The following KALRN variants were observed in gnomAD, a reference collection of about 807,000 sequenced individuals.
KALRN encodes the protein kalirin.
Under a neutral mutation model 353.7 loss-of-function variants are expected in KALRN, and 70 were observed. The ratio of observed to expected loss-of-function variants is 0.20; its 90% CI spans 0.16 to 0.24. The LOEUF is 0.24. KALRN is among the 10% of genes least tolerant of loss of function. KALRN has a pLI of 1.00. For missense variants in KALRN, 2,791 were observed against 3,756.7 expected, an observed-to-expected ratio of 0.74 and a Z score of 6.72; for synonymous variants, 1,391 against 1,434.8, an observed-to-expected ratio of 0.97 and a Z score of 0.69.
chr3:124,718,899 C>G (rs2063291948), intron 59 of KALRN, 26 bp from the exon 60 acceptor site: 1 of 1,606,500 alleles, frequency 6.2e-7, no homozygotes, highest in Non-Finnish European at 8.5e-7. Context: ...CCCTTCTTTT[C>G]TCCCTGCTTC....
rs1033194137 is a variant in KALRN, at chr3:124,680,860, A to C, written c.7377+1343A>C. On this transcript the variant is annotated intron_variant, in intron 51 of 59. Transcript: ENST00000682506. ...GGGAGAAAGTGGAGGTGGCATTTGT[A>C]GCCTAAATGTATCTTAGAGAACAAG... 1.8e-4 allele frequency among the ~76,000 whole-genome samples: 27 copies of C among 152,230 alleles called. 1 individual carries two copies. The highest frequency in any genetic ancestry group is 4.4e-5 in the Non-Finnish European group (3 of 68,034).
intron 33 of KALRN, among the ~76,000 whole-genome samples, chr3:124,550,452 T>C (rs114924404): frequency 1.1e-4 from 17 of 152,296 alleles, no homozygotes; most frequent in African/African-American, 4.1e-4. Flanking sequence ...AAACATGTAT[T>C]GGGCCCCCAA....
intron 1 of KALRN, chr3:124,082,376 G>A (rs758533264): frequency 3.2e-5 from 15 of 464,428 alleles, no homozygotes; most frequent in Non-Finnish European, 6.2e-5. Context: ...CAATGGGCCT[G>A]AGCTATGGAA....
intron 3 of KALRN, among the ~76,000 whole-genome samples, chr3:124,242,363 G>C (rs4234218): frequency 0.34 from 51,484 of 152,170 alleles, 9,208 homozygotes; most frequent in East Asian, 0.46. Context: ...GAGACGTAGA[G>C]AGATGAAGTA....
intron 13 of KALRN, among the ~76,000 whole-genome samples, chr3:124,401,605 G>C (rs560196797): frequency 3.9e-5 from 6 of 152,310 alleles, no homozygotes; most frequent in African/African-American, 1.4e-4. Context: ...TGGACAACCT[G>C]GTATGCAGGA....
At chr3:124,710,301 T>C (rs2150765858) in intron 57 of KALRN, among the ~76,000 whole-genome samples, 1 of 152,218 alleles carries the variant, frequency 6.6e-6, no homozygotes, top group South Asian at 2.1e-4. Context: ...GGGAAGACAG[T>C]GGTTGGGGAT....
chr3:124,383,209 T>C (rs2087678661), intron 10 of KALRN, among the ~76,000 whole-genome samples: 1 of 152,148 alleles, frequency 6.6e-6, no homozygotes, highest in Non-Finnish European at 1.5e-5. Flanking sequence ...CCAAGACAAG[T>C]GTTTGCCTGC....
chr3:124,389,900 T>C (rs1369470780), intron 11 of KALRN, among the ~76,000 whole-genome samples: 1 of 152,190 alleles, frequency 6.6e-6, no homozygotes, highest in African/African-American at 2.4e-5. Context: ...AACAATCCAA[T>C]AAATGTTATT....
intron 34 of KALRN, among the ~76,000 whole-genome samples, chr3:124,600,868 C>T (rs2149448761): frequency 6.6e-6 from 1 of 152,298 alleles, no homozygotes; most frequent in South Asian, 2.1e-4. Flanking sequence ...GATTACAAAG[C>T]TTCTGAAGCT....
At chr3:124,078,402 G>A (rs542075623) in intron 1 of KALRN, among the ~76,000 whole-genome samples, 2 of 152,278 alleles carry the variant, frequency 1.3e-5, no homozygotes, top group African/African-American at 4.8e-5. Context: ...TAGCCTCATG[G>A]ATATTTATTG....
chr3:124,696,254 A>G lies in KALRN; in HGVS notation c.7698A>G (p.Gln2566=). ...TTSTSATVKV[Q]GVPAAPNRPI... ...CAACGTCTGCAACAGTCAAAGTGCA[A>G]GGTACAGCCTCTTTGTTAGTCAAAC... The change falls in exon 54 of 60, where the codon CAA becomes CAG. Residue 2566 remains glutamine, a splice_region_variant and synonymous_variant. Coordinates refer to ENST00000682506, the MANE Select transcript of KALRN (RefSeq NM_001388419.1). 1.2e-6 allele frequency: 2 copies of G among 1,613,712 alleles called. No individual in the cohort carries two copies. Among genetic ancestry groups the G allele is most frequent in the Non-Finnish European group, 1.7e-6 (2 of 1,179,654 alleles).
intron 3 of KALRN, among the ~76,000 whole-genome samples, chr3:124,259,062 T>C (rs2072469853): frequency 6.6e-6 from 1 of 152,204 alleles, no homozygotes; most frequent in Admixed American, 6.5e-5. Flanking sequence ...GAAAAACTTG[T>C]AAGAGACTGA....
At chr3:124,303,107 A>T (rs1431036005) in intron 6 of KALRN, among the ~76,000 whole-genome samples, 3 of 152,214 alleles carry the variant, frequency 2.0e-5, no homozygotes, top group African/African-American at 7.2e-5. Context: ...TCTAAATTTT[A>T]TCTATGAATT....
chr3:124,347,270 G>T lies in KALRN; in HGVS notation c.1770+5G>T, dbSNP rs1302692238. The T allele has an allele frequency of 6.3e-7, 1 of 1,585,674 alleles. No homozygotes were observed. The highest frequency in any genetic ancestry group is 1.7e-5 in the Admixed American group (1 of 58,386). ...GACTTTGAAGAGGTGGCTCAGGTGA[G>T]AAGCTGTGTGTGTGTGTGTGTGTGT... On this transcript the variant is annotated splice_donor_5th_base_variant and intron_variant, in intron 10 of 59. Transcript: ENST00000682506.
intron 33 of KALRN, among the ~76,000 whole-genome samples, chr3:124,534,131 C>T (rs2068307349): frequency 6.6e-6 from 1 of 152,284 alleles, no homozygotes; most frequent in Middle Eastern, 3.4e-3. Flanking sequence ...TCTTGAAATA[C>T]TGTCACACCC....
chr3:124,716,512 A>G lies in KALRN; in HGVS notation c.8277-735A>G, dbSNP rs142126824. Among the ~76,000 whole-genome samples the G allele has an allele frequency of 6.6e-3, 1,008 of 152,340 alleles. 15 individuals are homozygous for G. Among genetic ancestry groups the G allele is most frequent in the Middle Eastern group, 0.027 (8 of 294 alleles). On this transcript the variant is annotated intron_variant, in intron 58 of 59. Transcript: ENST00000682506. The stretch of plus-strand genomic sequence containing the variant: ...ACACTCCAGCCTGGGTGAAAGAGAG[A>G]CTTTGTCTCAAAAACAAAACAAACA...
At position 124,452,530 on chromosome 3, in the gene KALRN, G is replaced by A. The variant is rs190588075; in HGVS notation, c.3553-2647G>A. Among the ~76,000 whole-genome samples the A allele has an allele frequency of 5.3e-5, 8 of 152,230 alleles. No homozygotes were observed. The East Asian group carries it at 1.3e-3, about 26-fold the overall frequency. ...GCCCACTTGTTTTTTGGGGAGGAGA[G>A]GAGAGGAAAAAGGGCATTCAATTGA... On this transcript the variant is annotated intron_variant, in intron 21 of 59. Coordinates refer to ENST00000682506, the MANE Select transcript of KALRN (RefSeq NM_001388419.1).
intron 57 of KALRN, among the ~76,000 whole-genome samples, chr3:124,709,277 T>TTTTA (rs1002630515): frequency 7.9e-5 from 12 of 152,034 alleles, no homozygotes; most frequent in Admixed American, 4.6e-4. Flanking sequence ...AAAATTTTAT[T>TTTTA]TTTATTTATT....
chr3:124,581,352 C>T (rs944232537), intron 34 of KALRN, among the ~76,000 whole-genome samples: 2 of 148,852 alleles, frequency 1.3e-5, no homozygotes, highest in Middle Eastern at 3.5e-3. Context: ...GAGATCGTGC[C>T]ACTGCGCTCT....
Sources: allele counts gnomAD v4.1 joint callset (sites outside exome capture counted in the v4.1 genomes callset), GRCh38; gene constraint gnomAD v4.1.1; transcripts MANE v1.5; gene names NCBI Gene and HGNC (gene_info 2026-07-23, HGNC 2026-07-21).